DMBX1: variants seen among roughly 807,000 people sequenced by gnomAD.
DMBX1 encodes diencephalon/mesencephalon homeobox 1, also known as diencephalon/mesencephalon homeobox protein 1.
DMBX1 carries 7 observed loss-of-function variants against 30.4 expected under a neutral mutation model. The ratio of observed to expected loss-of-function variants is 0.23; its 90% CI spans 0.13 to 0.43. The LOEUF is 0.43. Ranked by LOEUF, DMBX1 falls within the 20% of genes least tolerant of loss-of-function variation. DMBX1 has a pLI of 1.00. For missense variants in DMBX1, 460 were observed against 508.5 expected, an observed-to-expected ratio of 0.90 and a Z score of 0.92; for synonymous variants, 222 against 214.2, an observed-to-expected ratio of 1.04 and a Z score of -0.32.
rs1666351926 is a variant in DMBX1 at position 46,510,857 on chromosome 1, C to A, written c.334-78C>A. The stretch of plus-strand genomic sequence containing the variant: ...GGTGGGGGGATGTTATCACGTACAT[C>A]CTCTCCCAGAGCACCCTGCTCCACA... On this transcript the variant is annotated intron_variant, in intron 4 of 5. Transcript: ENST00000360032. The surrounding 1 kb of genome is among the most constrained non-coding windows in gnomAD (Gnocchi z 4.1). 2.8e-6 allele frequency: 4 copies of A among 1,434,870 alleles called. No homozygotes were observed. The South Asian group carries it at 5.6e-5, about 20-fold the overall frequency. 88.9% of individuals were successfully genotyped at this position (1,434,870 alleles called of 1,614,324 possible).
rs1387510637 is a variant in DMBX1 at position 46,514,704 on chromosome 1, C to T, written c.*2210C>T. Among the ~76,000 whole-genome samples the T allele has an allele frequency of 6.6e-6, 1 of 152,182 alleles. No homozygotes were observed. The highest frequency in any genetic ancestry group is 1.5e-5 in the Non-Finnish European group (1 of 68,038). On this transcript the variant is annotated 3_prime_UTR_variant, in exon 6 of 6. Coordinates refer to ENST00000360032, the MANE Select transcript of DMBX1 (RefSeq NM_172225.2). ...CCAAACCCTGCTTAAAGAAGTTGAT[C>T]TATCTGAAAGCCAGGGTAAAGATTG...
intron 2 of DMBX1, among the ~76,000 whole-genome samples, chr1:46,498,239 G>A (rs1309590260): frequency 6.6e-6 from 1 of 152,198 alleles, no homozygotes; most frequent in Non-Finnish European, 1.5e-5. Flanking sequence ...CTGGGACAGA[G>A]GAGGTAGTGG....
chr1:46,509,070 C>CT lies in DMBX1; in HGVS notation c.155-1395dup, dbSNP rs879361550. ...GGATACCCAGTTGCCTCTTCCTATT[C>CT]TTTTTTTTTTTGCGGAGGGGGGATG... is the stretch of plus-strand genomic sequence containing the variant. On this transcript the variant is annotated intron_variant, in intron 3 of 5. Coordinates refer to ENST00000360032, the MANE Select transcript of DMBX1 (RefSeq NM_172225.2). Among the ~76,000 whole-genome samples the CT allele has an allele frequency of 4.7e-3, 678 of 144,986 alleles. 1 individual carries two copies. Among genetic ancestry groups the CT allele is most frequent in the African/African-American group, 5.0e-3 (200 of 39,844 alleles).
In DMBX1 at chr1:46,510,812, G is replaced by T; in HGVS notation, c.334-123G>T. 1 of 1,336,390 alleles carries T rather than the reference G, an allele frequency of 7.5e-7. No homozygotes were observed. The highest frequency in any genetic ancestry group is 1.0e-6 in the Non-Finnish European group (1 of 988,804). 82.8% of individuals were successfully genotyped at this position (1,336,390 alleles called of 1,614,324 possible). On this transcript the variant is annotated intron_variant, in intron 4 of 5. Transcript: ENST00000360032. The surrounding 1 kb of genome is among the most constrained non-coding windows in gnomAD (Gnocchi z 4.1). Reference sequence around the variant, plus strand: ...GGAGGGGAGTTTGGGAAGGGACAGAGGGTGTGCATTCCCTAGAGGGGTGGG... The same window carrying T: ...GGAGGGGAGTTTGGGAAGGGACAGATGGTGTGCATTCCCTAGAGGGGTGGG...
chr1:46,511,162 C>T lies in DMBX1; in HGVS notation c.561C>T (p.Ala187=). The change falls in exon 5 of 6, where the codon GCC becomes GCT. Residue 187 remains alanine (A), a synonymous_variant. Transcript: ENST00000360032. ...CTGAGCAGTCAGCCAGTGAGTCAGCCCCCGAGGATCAGCCGGACCGTGAGG... is the reference window on the plus strand; with the variant it reads ...CTGAGCAGTCAGCCAGTGAGTCAGCTCCCGAGGATCAGCCGGACCGTGAGG... ...SLSEQSASES[A]PEDQPDREED... is the part of the protein sequence containing the mutation. 6.2e-7 allele frequency: 1 copy of T among 1,613,876 alleles called. No homozygotes were observed. Among genetic ancestry groups the T allele is most frequent in the Non-Finnish European group, 8.5e-7 (1 of 1,180,004 alleles).
At position 46,514,983 on chromosome 1, in the gene DMBX1, C is replaced by T. The variant is rs1666463476; in HGVS notation, c.*2489C>T. Among the ~76,000 whole-genome samples the T allele has an allele frequency of 6.6e-6, 1 of 152,030 alleles. No homozygotes were observed. The highest frequency in any genetic ancestry group is 1.5e-5 in the Non-Finnish European group (1 of 68,006). ...GTGGCTGGCTTCACGAGAGGTGGGG[C>T]TAAGGGGCCTGGAATCCAGGCTAAA... On this transcript the variant is annotated 3_prime_UTR_variant, in exon 6 of 6. Coordinates refer to ENST00000360032, the MANE Select transcript of DMBX1 (RefSeq NM_172225.2).
chr1:46,503,331 T>C (rs1666172595), intron 2 of DMBX1, among the ~76,000 whole-genome samples: 1 of 152,258 alleles, frequency 6.6e-6, no homozygotes, highest in Non-Finnish European at 1.5e-5. Context: ...TCAGAGCCCA[T>C]ATTCCAGTCC....
chr1:46,506,881 G>A, intron 2 of DMBX1, 118 bp from the exon 3 acceptor site: 1 of 1,140,034 alleles, frequency 8.8e-7, no homozygotes, highest in Non-Finnish European at 1.3e-6. Flanking sequence ...CCTTCCGATG[G>A]AGGGAGCTTC....
At position 46,512,515 on chromosome 1, in the gene DMBX1, C is replaced by G. The variant is rs959831867; in HGVS notation, c.*21C>G. 1.3e-6 allele frequency: 2 copies of G among 1,594,254 alleles called. No homozygotes were observed. The highest frequency in any genetic ancestry group is 2.7e-5 in the African/African-American group (2 of 74,664). ...ACTGACTGTCTGGCTTCCAACCCAG[C>G]CAGGGGTCTTAGGTGTCCCCTCCTA... On this transcript the variant is annotated 3_prime_UTR_variant, in exon 6 of 6. Coordinates refer to ENST00000360032, the MANE Select transcript of DMBX1 (RefSeq NM_172225.2). The surrounding 1 kb of genome is among the most constrained non-coding windows in gnomAD (Gnocchi z 4.8).
chr1:46,496,690 C>T (rs368254496), intron 2 of DMBX1, among the ~76,000 whole-genome samples: 13 of 152,318 alleles, frequency 8.5e-5, no homozygotes, highest in African/African-American at 2.6e-4. Context: ...CCCTCCTTTT[C>T]GGCCTCCTTC....
rs1438096489 is a variant in DMBX1, at chr1:46,513,358, G to C, written c.*864G>C. On this transcript the variant is annotated 3_prime_UTR_variant, in exon 6 of 6. Coordinates refer to ENST00000360032, the MANE Select transcript of DMBX1 (RefSeq NM_172225.2). ...GAGACTCTGGGGATCTGGAGCTGCA[G>C]GCAGGAGGTGGCACTGGCTCCCACT... 6.6e-6 allele frequency: 1 copy of C among 152,188 alleles called. No individual in the cohort carries two copies. Among genetic ancestry groups the C allele is most frequent in the Non-Finnish European group, 1.5e-5 (1 of 68,060 alleles). The allele number at this position is 152,188 out of a possible 1,614,324, so 9.4% of individuals were successfully genotyped here.
rs1230191064 is a variant in DMBX1 at position 46,510,296 on chromosome 1, C to A, written c.155-180C>A. Among the ~76,000 whole-genome samples the A allele has an allele frequency of 6.6e-6, 1 of 152,096 alleles. No individual in the cohort carries two copies. The highest frequency in any genetic ancestry group is 1.5e-5 in the Non-Finnish European group (1 of 68,008). ...GATAGTGCATAATGGGGTGGAGAGACCTTGAAAGCCCACAGCCATATGGAG... is the reference window on the plus strand; with the variant it reads ...GATAGTGCATAATGGGGTGGAGAGAACTTGAAAGCCCACAGCCATATGGAG... On this transcript the variant is annotated intron_variant, in intron 3 of 5. Transcript: ENST00000360032. This position sits in a 1 kb window ranked among gnomAD's most constrained non-coding sequence, Gnocchi z 4.1.
chr1:46,496,736 C>T (rs1315912700), intron 2 of DMBX1, among the ~76,000 whole-genome samples: 1 of 152,186 alleles, frequency 6.6e-6, no homozygotes, highest in Non-Finnish European at 1.5e-5. Context: ...ACACACTTCT[C>T]ATGACAAGGT....
intron 2 of DMBX1, among the ~76,000 whole-genome samples, chr1:46,503,015 G>A (rs1666166634): frequency 6.6e-6 from 1 of 152,268 alleles, no homozygotes; most frequent in Non-Finnish European, 1.5e-5. Context: ...GGATTAGTGG[G>A]ATTACAATGG....
At position 46,514,212 on chromosome 1, in the gene DMBX1, C is replaced by CAA. The variant is rs35003663; in HGVS notation, c.*1733_*1734dup. 719 of 96,606 alleles carry CAA rather than the reference C, an allele frequency of 7.4e-3. 13 individuals carry two copies. Among genetic ancestry groups the CAA allele is most frequent in the East Asian group, 0.065 (290 of 4,476 alleles). 6.0% of individuals were successfully genotyped at this position (96,606 alleles called of 1,614,324 possible). A position where few individuals can be genotyped will look rare whatever the true frequency, so the allele number is the denominator to read the frequency against. ...TGGGCGACGGAGTGAGACTCCATCT[C>CAA]AAAAAAAAAAAAAAAATAAATAAAA... On this transcript the variant is annotated 3_prime_UTR_variant, in exon 6 of 6. Transcript: ENST00000360032.
At chr1:46,502,652 C>G (rs1284230334) in intron 2 of DMBX1, among the ~76,000 whole-genome samples, 1 of 152,062 alleles carries the variant, frequency 6.6e-6, no homozygotes, top group Non-Finnish European at 1.5e-5. Flanking sequence ...TTTGGGAGGC[C>G]AAGGCAGGAG....
At chr1:46,500,843 T>C (rs2148484455) in intron 2 of DMBX1, among the ~76,000 whole-genome samples, 1 of 152,360 alleles carries the variant, frequency 6.6e-6, no homozygotes, top group African/African-American at 2.4e-5. Context: ...CCTCATTTGC[T>C]AAACTAATCC....
intron 2 of DMBX1, among the ~76,000 whole-genome samples, 51 bp downstream of exon 2, chr1:46,490,834 C>T (rs867027918): frequency 6.6e-6 from 1 of 152,222 alleles, no homozygotes; most frequent in Non-Finnish European, 1.5e-5. Context: ...CGTTTTGCCT[C>T]CCGCGGCCTC....
chr1:46,493,257 G>A lies in DMBX1; in HGVS notation c.-13+2474G>A, dbSNP rs962112013. The stretch of plus-strand genomic sequence containing the variant: ...GAGGGGCGCTGGGGTGGGTTGGTGA[G>A]CTTTCGGCAGGGTGTGTGTTCTGGT... On this transcript the variant is annotated intron_variant, in intron 2 of 5. Coordinates refer to ENST00000360032, the MANE Select transcript of DMBX1 (RefSeq NM_172225.2). The surrounding 1 kb of genome is among the most constrained non-coding windows in gnomAD (Gnocchi z 4.1). Among the ~76,000 whole-genome samples the A allele has an allele frequency of 6.6e-6, 1 of 152,212 alleles. No homozygotes were observed. Among genetic ancestry groups the A allele is most frequent in the Non-Finnish European group, 1.5e-5 (1 of 68,046 alleles).
Sources: allele counts gnomAD v4.1 joint callset (sites outside exome capture counted in the v4.1 genomes callset), GRCh38; gene constraint gnomAD v4.1.1; non-coding constraint Gnocchi (gnomAD v3.1); transcripts MANE v1.5; gene names NCBI Gene and HGNC (gene_info 2026-07-23, HGNC 2026-07-21).